EXT1: variants seen among roughly 807,000 people sequenced by gnomAD.
EXT1 encodes the protein exostosin-1.
Under a neutral mutation model 82.5 loss-of-function variants are expected in EXT1, and 20 were observed. The ratio of observed to expected loss-of-function variants is 0.24; its 90% CI spans 0.17 to 0.35. The LOEUF (loss-of-function observed/expected upper bound fraction) is 0.35, where lower values mean the gene tolerates loss of function less well. EXT1 is among the 10% of genes least tolerant of loss of function. EXT1 has a pLI of 1.00. For missense variants in EXT1, 757 were observed against 936.5 expected, an observed-to-expected ratio of 0.81 and a Z score of 2.50; for synonymous variants, 348 against 350.8, an observed-to-expected ratio of 0.99 and a Z score of 0.09.
At chr8:118,089,571 A>C (rs1338178867) in intron 1 of EXT1, among the ~76,000 whole-genome samples, 1 of 152,232 alleles carries the variant, frequency 6.6e-6, no homozygotes, top group African/African-American at 2.4e-5. Context: ...GAAACAAATG[A>C]TAGGGAACTT....
intron 4 of EXT1, among the ~76,000 whole-genome samples, chr8:117,826,816 T>A (rs1038678440): frequency 2.6e-5 from 4 of 152,120 alleles, no homozygotes; most frequent in South Asian, 2.1e-4. Context: ...TAAAAAAAAA[T>A]AATAATAATA....
chr8:117,989,240 C>T (rs766593523), intron 1 of EXT1, among the ~76,000 whole-genome samples: 7 of 148,552 alleles, frequency 4.7e-5, no homozygotes, highest in Non-Finnish European at 8.9e-5. Flanking sequence ...AGGAATTCCT[C>T]CCCCCACCCC....
chr8:117,970,213 T>C (rs1182986009), intron 1 of EXT1, among the ~76,000 whole-genome samples: 2 of 152,098 alleles, frequency 1.3e-5, no homozygotes, highest in Non-Finnish European at 2.9e-5. Context: ...CAAATTTTAG[T>C]GCATGACAGA....
At chr8:118,079,433 C>T (rs1024416996) in intron 1 of EXT1, among the ~76,000 whole-genome samples, 26 of 152,288 alleles carry the variant, frequency 1.7e-4, no homozygotes, top group African/African-American at 4.8e-4. Flanking sequence ...TAGACAGCCA[C>T]TCAACAGTAT....
At chr8:118,028,224 C>T (rs1320131007) in intron 1 of EXT1, among the ~76,000 whole-genome samples, 2 of 152,258 alleles carry the variant, frequency 1.3e-5, no homozygotes, top group African/African-American at 2.4e-5. Context: ...CTTCCCAGAG[C>T]TCCCAACACT....
intron 1 of EXT1, among the ~76,000 whole-genome samples, chr8:118,067,493 C>T (rs1817012935): frequency 6.6e-6 from 1 of 152,202 alleles, no homozygotes; most frequent in Non-Finnish European, 1.5e-5. Context: ...TGTTCCTTGT[C>T]TAATGAACTT....
chr8:117,932,998 T>G (rs575983055), intron 1 of EXT1, among the ~76,000 whole-genome samples: 1 of 152,158 alleles, frequency 6.6e-6, no homozygotes, highest in Non-Finnish European at 1.5e-5. Context: ...CTGGCCCCCT[T>G]CTGTTCCTTG....
At chr8:118,055,837 T>C (rs1301606001) in intron 1 of EXT1, among the ~76,000 whole-genome samples, 1 of 152,218 alleles carries the variant, frequency 6.6e-6, no homozygotes, top group Non-Finnish European at 1.5e-5. Context: ...ACATCTATTA[T>C]GAAAAATGAT....
At chr8:118,019,756 A>T (rs1816067964) in intron 1 of EXT1, among the ~76,000 whole-genome samples, 1 of 152,198 alleles carries the variant, frequency 6.6e-6, no homozygotes, top group South Asian at 2.1e-4. Flanking sequence ...TTATTGTTGG[A>T]GGAACTGAGA....
chr8:117,976,684 AC>A (rs1815072014), intron 1 of EXT1, among the ~76,000 whole-genome samples: 2 of 152,244 alleles, frequency 1.3e-5, no homozygotes, highest in Admixed American at 1.3e-4. Context: ...AAAAATTCAT[AC>A]GGTTGCACAT....
chr8:117,958,499 C>T (rs1464467616), intron 1 of EXT1, among the ~76,000 whole-genome samples: 1 of 152,168 alleles, frequency 6.6e-6, no homozygotes, highest in Non-Finnish European at 1.5e-5. Flanking sequence ...ACACTGAATC[C>T]ACATAGAAAT....
At chr8:117,844,266 T>C (rs1812319068) in intron 1 of EXT1, among the ~76,000 whole-genome samples, 1 of 151,708 alleles carries the variant, frequency 6.6e-6, no homozygotes, top group South Asian at 2.1e-4. Flanking sequence ...AATCCTCCTG[T>C]CTCAGCCTCC....
chr8:117,854,396 C>A (rs1563580493), intron 1 of EXT1, among the ~76,000 whole-genome samples: 1 of 152,004 alleles, frequency 6.6e-6, no homozygotes, highest in Non-Finnish European at 1.5e-5. Context: ...GGCTGCTAAT[C>A]TCTTAGAAAA....
chr8:117,957,701 T>C (rs1354616645), intron 1 of EXT1, among the ~76,000 whole-genome samples: 1 of 152,216 alleles, frequency 6.6e-6, no homozygotes, highest in Non-Finnish European at 1.5e-5. Flanking sequence ...ATTTGAGATG[T>C]TTTCATGGGG....
intron 1 of EXT1, among the ~76,000 whole-genome samples, chr8:118,085,919 C>T (rs943528878): frequency 1.3e-5 from 2 of 152,144 alleles, no homozygotes; most frequent in Non-Finnish European, 2.9e-5. Flanking sequence ...TTAGATGAAT[C>T]TGACTTGTAA....
chr8:118,062,696 G>A (rs1251407640), intron 1 of EXT1, among the ~76,000 whole-genome samples: 1 of 152,146 alleles, frequency 6.6e-6, no homozygotes, highest in Non-Finnish European at 1.5e-5. Context: ...TCAAAGCCTG[G>A]GGTTTTGCCA....
In EXT1 at chr8:117,854,057, G is replaced by C. The variant is rs1288231437; in HGVS notation, c.963-16856C>G. On this transcript the variant is annotated intron_variant, in intron 1 of 10. Coordinates refer to ENST00000378204, the MANE Select transcript of EXT1 (RefSeq NM_000127.3). ...TTCTTCAAGTACTCACTGCTATGAG[G>C]CCTGGGCCGAGGTCCTACAGGCCAG... is the stretch of plus-strand genomic sequence containing the variant. Among the ~76,000 whole-genome samples, 4 of 152,264 alleles carry C rather than the reference G, an allele frequency of 2.6e-5. No homozygotes were observed. The South Asian group carries it at 8.3e-4, about 31-fold the overall frequency.
At chr8:117,897,587 T>TTC (rs1563594515) in intron 1 of EXT1, among the ~76,000 whole-genome samples, 6 of 129,010 alleles carry the variant, frequency 4.7e-5, no homozygotes, top group African/African-American at 1.7e-4. Context: ...CGGGCTTCTT[T>TTC]TCTCTTTTTT....
At position 117,802,140 on chromosome 8, in the gene EXT1, A is replaced by G. The variant is rs1462774708; in HGVS notation, c.2056-2243T>C. 2.6e-5 allele frequency among the ~76,000 whole-genome samples: 4 copies of G among 152,302 alleles called. No individual in the cohort carries two copies. In the East Asian group the frequency reaches 7.7e-4, roughly 29 times the overall value. ...GGGGGCAAATATAGTACCTGAATAC[A>G]CCTAGTTAGACCTAAGGTTAAATTT... is the stretch of plus-strand genomic sequence containing the variant. On this transcript the variant is annotated intron_variant, in intron 10 of 10. Coordinates refer to ENST00000378204, the MANE Select transcript of EXT1 (RefSeq NM_000127.3).
Sources: gnomAD v4.1 joint callset for allele counts (sites outside exome capture counted in the v4.1 genomes callset) on GRCh38, gnomAD v4.1.1 for gene constraint, MANE v1.5 for transcripts, NCBI Gene and HGNC (gene_info 2026-07-23, HGNC 2026-07-21) for gene names.